The following STMN1 variants were observed in gnomAD, a reference collection of about 807,000 sequenced individuals.
STMN1 encodes the protein stathmin 1, also known as stathmin.
In STMN1, 3 loss-of-function variants were observed where a neutral mutation model predicts 19.7. The ratio of observed to expected loss-of-function variants is 0.15; its 90% CI spans 0.07 to 0.39. The LOEUF is 0.39. Among genes scored for constraint, STMN1 ranks in the 10% least tolerant of loss-of-function variants. The pLI is 1.00. For synonymous variants in STMN1, 59 were observed against 58.9 expected (o/e 1.00, Z -0.01); for missense variants, 99 against 176.0 (o/e 0.56, Z 2.48).
upstream of STMN1, chr1:25,906,769 CG>C (rs967527588): frequency 2.6e-5 from 4 of 152,478 alleles, no homozygotes; most frequent in Non-Finnish European, 4.4e-5. This position sits in a 1 kb window ranked among gnomAD's most constrained non-coding sequence, Gnocchi z 4.5. Flanking sequence ...AGGCGGAGGG[CG>C]GGGGGGTCCT....
chr1:25,892,245 G>C (rs1031646369), intron 4 of STMN1, among the ~76,000 whole-genome samples: 1 of 152,262 alleles, frequency 6.6e-6, no homozygotes, highest in South Asian at 2.1e-4. Flanking sequence ...AAAATTAGCT[G>C]GGCATGGTGG....
At chr1:25,898,801 TC>T (rs370745256), downstream of STMN1, among the ~76,000 whole-genome samples, 118 of 152,228 alleles carry the variant, frequency 7.8e-4, no homozygotes, top group African/African-American at 2.7e-3. Context: ...AGACGCAGAC[TC>T]CCGTGATGGC....
chr1:25,895,533 T>C (rs1195346649), downstream of STMN1, among the ~76,000 whole-genome samples: 1 of 152,034 alleles, frequency 6.6e-6, no homozygotes, highest in East Asian at 1.9e-4. Flanking sequence ...AAGACAGAAG[T>C]GGGTGGGCCC....
intron 1 of STMN1, 93 bp from the exon 2 acceptor site, chr1:25,904,831 G>A: frequency 1.2e-6 from 1 of 804,674 alleles, no homozygotes; most frequent in Non-Finnish European, 1.8e-6. Context: ...TACATACATC[G>A]TCAGAAAAAT....
At chr1:25,887,983 C>T (rs2048739188) in intron 4 of STMN1, among the ~76,000 whole-genome samples, 1 of 152,142 alleles carries the variant, frequency 6.6e-6, no homozygotes, top group Non-Finnish European at 1.5e-5. Flanking sequence ...CCGTGCCCGG[C>T]CCTTGTTGTT....
At chr1:25,890,315 G>C (rs940696650) in intron 4 of STMN1, among the ~76,000 whole-genome samples, 13 of 152,196 alleles carry the variant, frequency 8.5e-5, no homozygotes, top group African/African-American at 3.1e-4. Flanking sequence ...AGATCAGTCA[G>C]AGTGGTGGGA....
chr1:25,902,533 C>G (rs948522738), intron 3 of STMN1: 1 of 152,254 alleles, frequency 6.6e-6, no homozygotes, highest in Non-Finnish European at 1.5e-5. Context: ...TTCAACAGAA[C>G]AGCTTGTTCT....
rs1236172184 is a variant in STMN1, at chr1:25,901,366, T to C, written c.378+125A>G. The C allele has an allele frequency of 1.3e-5, 17 of 1,259,596 alleles. No homozygotes were observed. The South Asian group carries it at 2.3e-4, about 17-fold the overall frequency. The allele number at this position is 1,259,596 out of a possible 1,614,324, so 78.0% of individuals were successfully genotyped here. A position where few individuals can be genotyped will look rare whatever the true frequency, so the allele number is the denominator to read the frequency against. The stretch of plus-strand genomic sequence containing the variant: ...ATCTTAAAATATACCTTTCATTTAA[T>C]ATGTTAAGCCCCAAAATGGATGACA... On this transcript the variant is annotated intron_variant, in intron 4 of 4. Transcript: ENST00000455785.
downstream of STMN1, chr1:25,900,072 T>C: frequency 1.0e-6 from 1 of 985,514 alleles, no homozygotes. Context: ...AGTCAAATGC[T>C]ACTTTAGAAA....
In STMN1 at chr1:25,901,620, A is replaced by T; in HGVS notation, c.249T>A (p.Leu83=). The T allele has an allele frequency of 6.2e-7, 1 of 1,613,882 alleles. No homozygotes were observed. Among genetic ancestry groups the T allele is most frequent in the Non-Finnish European group, 8.5e-7 (1 of 1,179,922 alleles). ...AEKREHEKEV[L]QKAIEENNNF... ...TGTTGTTCTCTTCTATTGCCTTCTG[A>T]AGCACTTCTTTCTCGTGCTCTCGTT... The change falls in exon 4 of 5, where the codon CTT becomes CTA. Residue 83 remains leucine, a synonymous_variant. Coordinates refer to ENST00000455785, the MANE Select transcript of STMN1 (RefSeq NM_005563.4).
At chr1:25,892,522 C>A (rs1407736439) in intron 4 of STMN1, 1 of 985,102 alleles carries the variant, frequency 1.0e-6, no homozygotes, top group African/African-American at 1.7e-5. Context: ...ACCTCAGATT[C>A]CTTCTTTAAA....
At chr1:25,888,787 T>C (rs2048746115) in intron 4 of STMN1, among the ~76,000 whole-genome samples, 1 of 152,194 alleles carries the variant, frequency 6.6e-6, no homozygotes, top group Non-Finnish European at 1.5e-5. Context: ...ACTTTTACCC[T>C]GATGATCACA....
downstream of STMN1, among the ~76,000 whole-genome samples, chr1:25,899,674 T>C (rs781480522): frequency 2.6e-5 from 4 of 152,164 alleles, no homozygotes; most frequent in African/African-American, 9.7e-5. Flanking sequence ...ATGCTAAATA[T>C]CTATGTTCTA....
At chr1:25,887,978 C>A (rs2048739082) in intron 4 of STMN1, among the ~76,000 whole-genome samples, 1 of 152,172 alleles carries the variant, frequency 6.6e-6, no homozygotes, top group African/African-American at 2.4e-5. Flanking sequence ...AGCCACCGTG[C>A]CCGGCCCTTG....
chr1:25,887,561 G>T (rs753466784), intron 4 of STMN1: 1 of 257,916 alleles, frequency 3.9e-6, no homozygotes. Flanking sequence ...GTATAAAAAT[G>T]TCCTTTATAG....
intron 4 of STMN1, among the ~76,000 whole-genome samples, chr1:25,893,681 C>T (rs909115712): frequency 1.3e-5 from 2 of 152,212 alleles, no homozygotes; most frequent in African/African-American, 4.8e-5. Context: ...GCTGGGATTA[C>T]AGGCACCCGC....
chr1:25,904,741 G>A lies in STMN1; in HGVS notation c.-62-3C>T. On this transcript the variant is annotated splice_region_variant and splice_polypyrimidine_tract_variant and intron_variant, in intron 1 of 4. Transcript: ENST00000455785. Reference sequence around the variant, plus strand: ...AATCAACTGGGATAAGGAAAGTCCTGAAAATGATTTTCAAAAACATGCAAT... The same window carrying A: ...AATCAACTGGGATAAGGAAAGTCCTAAAAATGATTTTCAAAAACATGCAAT... 6.3e-7 allele frequency: 1 copy of A among 1,591,944 alleles called. No homozygotes were observed.
downstream of STMN1, among the ~76,000 whole-genome samples, chr1:25,899,529 CCT>C (rs745471389): frequency 5.3e-5 from 8 of 152,160 alleles, no homozygotes; most frequent in Admixed American, 2.0e-4. Flanking sequence ...GTTCAGAATT[CCT>C]CTGATTGATC....
At chr1:25,894,292 C>T (rs1432870900) in intron 4 of STMN1, among the ~76,000 whole-genome samples, 1 of 152,132 alleles carries the variant, frequency 6.6e-6, no homozygotes, top group African/African-American at 2.4e-5. Context: ...CCATCTCCAC[C>T]AGGCTGTTGG....
Sources: gnomAD v4.1 joint callset for allele counts (sites outside exome capture counted in the v4.1 genomes callset) on GRCh38, gnomAD v4.1.1 for gene constraint, Gnocchi (gnomAD v3.1) non-coding constraint, MANE v1.5 for transcripts, NCBI Gene and HGNC (gene_info 2026-07-23, HGNC 2026-07-21) for gene names.